PLPPR1: variants seen among roughly 807,000 people sequenced by gnomAD.
PLPPR1 encodes the protein phospholipid phosphatase-related protein type 1.
A neutral mutation model predicts 33.1 loss-of-function variants in PLPPR1; 10 were observed. The observed-to-expected ratio is 0.30, with a 90% CI of 0.19 to 0.51. The LOEUF (loss-of-function observed/expected upper bound fraction) is 0.51. Ranked by LOEUF, PLPPR1 falls within the 20% of genes least tolerant of loss-of-function variation. The pLI is 0.97. For missense variants in PLPPR1, 304 were observed against 408.1 expected (o/e 0.74, Z 2.20); for synonymous variants, 151 against 151.0 (o/e 1.00, Z 0.00).
intron 2 of PLPPR1, among the ~76,000 whole-genome samples, chr9:101,209,351 G>T (rs867836045): frequency 6.6e-6 from 1 of 152,192 alleles, no homozygotes; most frequent in Non-Finnish European, 1.5e-5. Flanking sequence ...AATTTTTCCC[G>T]TCTGGCAGAT....
intron 7 of PLPPR1, among the ~76,000 whole-genome samples, chr9:101,323,469 C>CAAAAAAAAAAA (rs11339430): frequency 6.4e-5 from 6 of 93,780 alleles, no homozygotes; most frequent in Admixed American, 1.1e-4. Flanking sequence ...AACCCTGTCT[C>CAAAAAAAAAAA]AAAAAAAAAA....
At chr9:101,082,655 T>C (rs1830635117) in intron 1 of PLPPR1, among the ~76,000 whole-genome samples, 1 of 152,200 alleles carries the variant, frequency 6.6e-6, no homozygotes, top group African/African-American at 2.4e-5. Context: ...TTTCTGGGTT[T>C]TAAATTTGGA....
chr9:101,175,083 G>A (rs947734289), intron 1 of PLPPR1, among the ~76,000 whole-genome samples: 2 of 152,092 alleles, frequency 1.3e-5, no homozygotes, highest in Non-Finnish European at 2.9e-5. Context: ...AAACATGTTA[G>A]GCTGATTCTT....
intron 1 of PLPPR1, among the ~76,000 whole-genome samples, chr9:101,139,767 C>A (rs1304727300): frequency 6.6e-6 from 1 of 152,144 alleles, no homozygotes; most frequent in Non-Finnish European, 1.5e-5. Flanking sequence ...TTTTTAGGTT[C>A]ACAGCAAAAT....
chr9:101,155,448 G>A lies in PLPPR1; in HGVS notation c.-45-30002G>A, dbSNP rs546140157. On this transcript the variant is annotated intron_variant, in intron 1 of 7. Transcript: ENST00000374874. ...CAAGCATATATATGCAAGAGATTAAGGAGAGTGAACTCATCCTTTTACCAG... is the reference window on the plus strand; with the variant it reads ...CAAGCATATATATGCAAGAGATTAAAGAGAGTGAACTCATCCTTTTACCAG... 5.3e-5 allele frequency among the ~76,000 whole-genome samples: 8 copies of A among 152,302 alleles called. No individual in the cohort carries two copies. In the East Asian group the frequency reaches 1.5e-3, roughly 29 times the overall value.
intron 1 of PLPPR1, among the ~76,000 whole-genome samples, chr9:101,153,980 G>A (rs1311090390): frequency 6.6e-6 from 1 of 152,008 alleles, no homozygotes; most frequent in Non-Finnish European, 1.5e-5. Flanking sequence ...TGTGCTTTTG[G>A]TCTTTGGTTC....
intron 1 of PLPPR1, among the ~76,000 whole-genome samples, chr9:101,161,878 A>C (rs1456228622): frequency 2.0e-5 from 3 of 152,092 alleles, no homozygotes; most frequent in Non-Finnish European, 4.4e-5. Flanking sequence ...AATTCATAGC[A>C]TTCATTTAGA....
chr9:101,073,885 C>G (rs186311986), intron 1 of PLPPR1, among the ~76,000 whole-genome samples: 5,922 of 152,106 alleles, frequency 0.039, 172 homozygotes, highest in East Asian at 0.082. Flanking sequence ...TTTATGGAGA[C>G]AGAAGAAGAT....
intron 1 of PLPPR1, among the ~76,000 whole-genome samples, chr9:101,111,995 G>A (rs1167658239): frequency 1.3e-5 from 2 of 152,086 alleles, no homozygotes; most frequent in South Asian, 2.1e-4. Flanking sequence ...ACCACATAAT[G>A]TGCTTTATTT....
chr9:101,201,665 T>A (rs1009526222), intron 2 of PLPPR1, among the ~76,000 whole-genome samples: 1 of 152,188 alleles, frequency 6.6e-6, no homozygotes, highest in Non-Finnish European at 1.5e-5. Context: ...TTCTCAGTAA[T>A]CATTAGCTTA....
intron 1 of PLPPR1, among the ~76,000 whole-genome samples, chr9:101,071,682 T>A (rs1439808013): frequency 6.6e-6 from 1 of 152,056 alleles, no homozygotes; most frequent in Non-Finnish European, 1.5e-5. Flanking sequence ...GAATGCAGCT[T>A]TCTGGTAATG....
chr9:101,143,475 A>G (rs4743446), intron 1 of PLPPR1, among the ~76,000 whole-genome samples: 24,037 of 152,168 alleles, frequency 0.16, 2,116 homozygotes, highest in Non-Finnish European at 0.2. Flanking sequence ...ATAAACTACC[A>G]TTAGAGTGAA....
intron 1 of PLPPR1, among the ~76,000 whole-genome samples, chr9:101,040,695 T>G (rs1830067058): frequency 6.6e-6 from 1 of 152,196 alleles, no homozygotes; most frequent in Non-Finnish European, 1.5e-5. Flanking sequence ...CCCATTAATC[T>G]TTAACTCTTT....
intron 1 of PLPPR1, among the ~76,000 whole-genome samples, chr9:101,050,636 A>G (rs1286933316): frequency 6.6e-6 from 1 of 152,170 alleles, no homozygotes; most frequent in Non-Finnish European, 1.5e-5. Flanking sequence ...CACCCAGAAG[A>G]GGGAGGAGGG....
rs138663684 is a variant in PLPPR1, at chr9:101,092,537, G to A, written c.-46+63435G>A. 2.6e-5 allele frequency among the ~76,000 whole-genome samples: 4 copies of A among 152,246 alleles called. No individual in the cohort carries two copies. The East Asian group carries it at 5.8e-4, about 22-fold the overall frequency. ...CAGTCCAGCCTTGCCTACCTCTTGA[G>A]CCTTATCCTACCTCTCTGTGCCCCA... On this transcript the variant is annotated intron_variant, in intron 1 of 7. Coordinates refer to ENST00000374874, the MANE Select transcript of PLPPR1 (RefSeq NM_207299.2).
chr9:101,089,638 GT>G (rs1177846790), intron 1 of PLPPR1, among the ~76,000 whole-genome samples: 1 of 152,060 alleles, frequency 6.6e-6, no homozygotes, highest in Non-Finnish European at 1.5e-5. Context: ...TTTTAATAGT[GT>G]TTAACACATG....
chr9:101,167,996 T>C (rs1825885206), intron 1 of PLPPR1, among the ~76,000 whole-genome samples: 1 of 151,840 alleles, frequency 6.6e-6, no homozygotes, highest in Non-Finnish European at 1.5e-5. Flanking sequence ...GAAATTCCCC[T>C]TTGTAAAACC....
chr9:101,134,715 T>G (rs565417420), intron 1 of PLPPR1, among the ~76,000 whole-genome samples: 3 of 152,250 alleles, frequency 2.0e-5, no homozygotes, highest in Non-Finnish European at 2.9e-5. Context: ...TGAACTTCAA[T>G]TGTTCAGTGT....
At chr9:101,285,270 G>A (rs1281093658) in intron 3 of PLPPR1, among the ~76,000 whole-genome samples, 5 of 151,596 alleles carry the variant, frequency 3.3e-5, no homozygotes, top group African/African-American at 1.2e-4. Flanking sequence ...GGTGCCATAA[G>A]GATACTAAAG....
Sources: allele counts gnomAD v4.1 joint callset (sites outside exome capture counted in the v4.1 genomes callset), GRCh38; gene constraint gnomAD v4.1.1; transcripts MANE v1.5; gene names NCBI Gene and HGNC (gene_info 2026-07-23, HGNC 2026-07-21).